PREX2: variants seen among roughly 807,000 people sequenced by gnomAD.
The protein encoded by PREX2 is phosphatidylinositol 3,4,5-trisphosphate-dependent Rac exchanger 2 protein.
In PREX2, 107 loss-of-function variants were observed where a neutral mutation model predicts 203.2. That is an observed-to-expected ratio of 0.53 (90% confidence interval 0.45 to 0.62). The LOEUF (loss-of-function observed/expected upper bound fraction) is 0.62, where lower values mean the gene tolerates loss of function less well. Ranked by LOEUF, PREX2 falls within the 20% of genes least tolerant of loss-of-function variation. The probability of loss-of-function intolerance (pLI) is 0.00; values close to 1 mark genes in which losing one functional copy is unlikely to be tolerated. For synonymous variants in PREX2, 672 were observed against 663.6 expected, an observed-to-expected ratio of 1.01 and a Z score of -0.19; for missense variants, 1,777 against 1,955.9, an observed-to-expected ratio of 0.91 and a Z score of 1.72.
chr8:68,193,528 G>T (rs1454424956), intron 37 of PREX2, among the ~76,000 whole-genome samples: 2 of 152,116 alleles, frequency 1.3e-5, no homozygotes, highest in East Asian at 3.9e-4. Flanking sequence ...TGTTGGCTGT[G>T]TAATATCATA....
At chr8:68,110,767 T>C in intron 25 of PREX2, among the ~76,000 whole-genome samples, 1 of 152,210 alleles carries the variant, frequency 6.6e-6, no homozygotes, top group Non-Finnish European at 1.5e-5. Context: ...AATTTAGAGA[T>C]CAAAATCACA....
Position 68,030,375 on chromosome 8 carries a change from G to T in PREX2, c.544-122G>T, listed in dbSNP as rs993434535. 8.9e-6 allele frequency: 7 copies of T among 786,066 alleles called. No homozygotes were observed. In the African/African-American group the frequency reaches 1.0e-4, roughly 12 times the overall value. 48.7% of individuals were successfully genotyped at this position (786,066 alleles called of 1,614,324 possible). A position where few individuals can be genotyped will look rare whatever the true frequency, so the allele number is the denominator to read the frequency against. On this transcript the variant is annotated intron_variant, in intron 5 of 39. Transcript: ENST00000288368. ...TTTATTTTTGATCTTAGAGGAATTT[G>T]TGATGTCACTTATGGAAGTGGCTCT...
Position 68,179,703 on chromosome 8 carries a change from A to C in PREX2, c.4347-12019A>C, listed in dbSNP as rs1265340746. ...CTTTGTCTCTTGTCTGCTGCTCTAC[A>C]GAATATTGCTTTGTACCTTAATAGA... On this transcript the variant is annotated intron_variant, in intron 35 of 39. Coordinates refer to ENST00000288368, the MANE Select transcript of PREX2 (RefSeq NM_024870.4). Among the ~76,000 whole-genome samples, 3 of 152,272 alleles carry C rather than the reference A, an allele frequency of 2.0e-5. No homozygotes were observed. In the East Asian group the frequency reaches 5.8e-4, roughly 29 times the overall value.
intron 23 of PREX2, chr8:68,100,075 C>T (rs1364867151): frequency 1.5e-6 from 1 of 648,102 alleles, no homozygotes; most frequent in South Asian, 1.4e-5. Context: ...AATATAGTAA[C>T]TGAGGCCTAA....
chr8:68,130,213 C>T (rs1468573976), intron 31 of PREX2, among the ~76,000 whole-genome samples: 1 of 151,986 alleles, frequency 6.6e-6, no homozygotes, highest in Non-Finnish European at 1.5e-5. Flanking sequence ...TCTCTTGAGC[C>T]TGGGAGTTTG....
intron 7 of PREX2, among the ~76,000 whole-genome samples, chr8:68,040,606 G>C (rs370451188): frequency 6.6e-6 from 1 of 152,156 alleles, no homozygotes; most frequent in East Asian, 1.9e-4. Flanking sequence ...CACTCCCTCT[G>C]TAGTGTCTTC....
chr8:68,093,549 C>A, intron 20 of PREX2, 56 bp from the exon 21 acceptor site: 1 of 741,888 alleles, frequency 1.3e-6, no homozygotes, highest in Non-Finnish European at 2.3e-6. Context: ...TCCAAATGGG[C>A]ATGTATTTTA....
intron 1 of PREX2, among the ~76,000 whole-genome samples, chr8:67,962,112 A>G (rs1476627138): frequency 1.3e-5 from 2 of 152,198 alleles, no homozygotes; most frequent in Non-Finnish European, 2.9e-5. Flanking sequence ...ATTGATATCT[A>G]TGTTTGATTT....
chr8:68,146,323 T>A lies in PREX2; in HGVS notation c.4202T>A (p.Phe1401Tyr). The A allele has an allele frequency of 6.2e-7, 1 of 1,612,974 alleles. No homozygotes were observed. The highest frequency in any genetic ancestry group is 8.5e-7 in the Non-Finnish European group (1 of 1,179,452). The change falls in exon 34 of 40, where the codon TTT (phenylalanine) becomes TAT (tyrosine). Residue 1401 changes from phenylalanine to tyrosine, a missense_variant. Phe to Tyr is a conservative substitution (Grantham distance 22). Coordinates refer to ENST00000288368, the MANE Select transcript of PREX2 (RefSeq NM_024870.4). The stretch of plus-strand genomic sequence containing the variant: ...CAACGGCTGAAAAATGGAGGAGGGT[T>A]TAAAATTCATCCTGTTCTTTTTGCA... The part of the protein sequence containing the change: ...LPQRLKNGGG[F>Y]KIHPVLFAQA...
At chr8:68,105,429 AG>A in intron 23 of PREX2, 1 of 1,243,518 alleles carries the variant, frequency 8.0e-7, no homozygotes, top group Non-Finnish European at 1.0e-6. Context: ...GCATGTGGGC[AG>A]GGGGACATCC....
chr8:68,156,871 A>T (rs1047114906), intron 34 of PREX2, among the ~76,000 whole-genome samples: 13 of 152,184 alleles, frequency 8.5e-5, no homozygotes, highest in African/African-American at 3.1e-4. Context: ...GGTTTCCTTT[A>T]TGGATGTAAA....
intron 11 of PREX2, among the ~76,000 whole-genome samples, chr8:68,064,157 G>A (rs1259694718): frequency 6.6e-6 from 1 of 152,074 alleles, no homozygotes; most frequent in Non-Finnish European, 1.5e-5. Context: ...GCTACTTTTT[G>A]TAGTAGGAAT....
At chr8:67,984,720 T>C (rs1806365096) in intron 1 of PREX2, among the ~76,000 whole-genome samples, 1 of 152,154 alleles carries the variant, frequency 6.6e-6, no homozygotes, top group Admixed American at 6.5e-5. Context: ...GCTCAAACAC[T>C]TCATGATGGG....
chr8:68,083,105 G>A (rs1169301477), intron 17 of PREX2, 135 bp from the exon 18 acceptor site: 1 of 585,866 alleles, frequency 1.7e-6, no homozygotes. Context: ...TTGTGAATTT[G>A]TATAAAAACA....
At chr8:68,157,235 A>G in intron 34 of PREX2, 87 bp from the exon 35 acceptor site, 1 of 607,096 alleles carries the variant, frequency 1.6e-6, no homozygotes, top group Non-Finnish European at 2.8e-6. Context: ...TATTTGCTAA[A>G]TTTACTAATA....
At chr8:68,120,394 A>G (rs1358839221) in intron 29 of PREX2, 108 bp downstream of exon 29, 15 of 706,220 alleles carry the variant, frequency 2.1e-5, no homozygotes, top group Non-Finnish European at 3.8e-5. Context: ...CCAGTTACTC[A>G]TGTTTCATAA....
intron 11 of PREX2, among the ~76,000 whole-genome samples, chr8:68,065,258 T>G (rs976343): frequency 0.69 from 105,541 of 152,102 alleles, 36,684 homozygotes; most frequent in East Asian, 0.74. Flanking sequence ...CTCAACTTCT[T>G]GAGTTTTGGA....
chr8:68,216,171 C>A (rs562555778), intron 37 of PREX2, among the ~76,000 whole-genome samples: 150 of 152,264 alleles, frequency 9.9e-4, no homozygotes, highest in African/African-American at 3.4e-3. Flanking sequence ...GTTTTAAATC[C>A]CTCTCTCCTC....
chr8:68,045,554 C>A (rs1338860334), intron 8 of PREX2, among the ~76,000 whole-genome samples: 1 of 152,004 alleles, frequency 6.6e-6, no homozygotes, highest in Non-Finnish European at 1.5e-5. Flanking sequence ...AATAAATTGT[C>A]AGGTACTTAA....
Sources: allele counts gnomAD v4.1 joint callset (sites outside exome capture counted in the v4.1 genomes callset), GRCh38; gene constraint gnomAD v4.1.1; transcripts MANE v1.5; gene names NCBI Gene and HGNC (gene_info 2026-07-23, HGNC 2026-07-21).